The following TNFSF4 variants were observed in gnomAD, a reference collection of about 807,000 sequenced individuals.
TNFSF4 encodes tumor necrosis factor ligand superfamily member 4.
TNFSF4 carries 4 observed loss-of-function variants against 7.3 expected under a neutral mutation model. The ratio of observed to expected loss-of-function variants is 0.55; its 90% CI spans 0.27 to 1.25. The LOEUF (loss-of-function observed/expected upper bound fraction) is 1.25. Ranked by LOEUF, TNFSF4 falls within the 50% of genes most tolerant of loss-of-function variation. The pLI, the probability that TNFSF4 is intolerant of heterozygous loss-of-function variation, is 0.12. For synonymous variants in TNFSF4, 76 were observed against 83.7 expected (o/e 0.91, Z 0.50); for missense variants, 181 against 208.8 (o/e 0.87, Z 0.82).
At chr1:173,263,861 G>A in the TNFSF4 span, among the ~76,000 whole-genome samples, 3 of 152,192 alleles carry the variant, frequency 2.0e-5, no homozygotes, top group Non-Finnish European at 2.9e-5. Flanking sequence ...AAAAGGCTGT[G>A]AGCAGCCACT....
At chr1:173,314,319 T>C in the TNFSF4 span, among the ~76,000 whole-genome samples, 4 of 152,144 alleles carry the variant, frequency 2.6e-5, no homozygotes, top group Non-Finnish European at 5.9e-5. Context: ...AATTTACTAC[T>C]TATGATTTCT....
the TNFSF4 span, among the ~76,000 whole-genome samples, chr1:173,277,152 A>C: frequency 6.6e-6 from 1 of 152,154 alleles, no homozygotes; most frequent in Non-Finnish European, 1.5e-5. Context: ...ACGTGGTTTC[A>C]TGGTATTCAC....
the TNFSF4 span, among the ~76,000 whole-genome samples, chr1:173,342,407 T>C: frequency 5.3e-5 from 8 of 152,134 alleles, no homozygotes; most frequent in Non-Finnish European, 1.2e-4. Flanking sequence ...GGATTCTCCA[T>C]AAGCAAATCA....
chr1:173,340,196 G>A, the TNFSF4 span, among the ~76,000 whole-genome samples: 1 of 152,040 alleles, frequency 6.6e-6, no homozygotes, highest in East Asian at 1.9e-4. Context: ...CAGGTCTCGA[G>A]CCTAGTATCC....
the TNFSF4 span, among the ~76,000 whole-genome samples, chr1:173,238,451 C>T: frequency 3.3e-5 from 5 of 152,060 alleles, no homozygotes; most frequent in South Asian, 4.1e-4. Context: ...ACAAAAGAAA[C>T]TGTCAGAGTA....
At chr1:173,222,074 C>G in the TNFSF4 span, among the ~76,000 whole-genome samples, 14 of 152,176 alleles carry the variant, frequency 9.2e-5, no homozygotes, top group Non-Finnish European at 1.3e-4. Flanking sequence ...GCTACAGTAG[C>G]ATTATAATCC....
the TNFSF4 span, among the ~76,000 whole-genome samples, chr1:173,395,376 TAATATA>T: frequency 5.0e-5 from 2 of 40,108 alleles, no homozygotes; most frequent in Non-Finnish European, 8.8e-5. Context: ...ACTGTGTATA[TAATATA>T]TATATATATA....
the TNFSF4 span, among the ~76,000 whole-genome samples, chr1:173,448,486 G>T: frequency 1.3e-5 from 2 of 152,180 alleles, no homozygotes; most frequent in African/African-American, 4.8e-5. Context: ...AACCACCTGG[G>T]TGCAGGTGGG....
At chr1:173,377,608 A>G in the TNFSF4 span, among the ~76,000 whole-genome samples, 1 of 152,292 alleles carries the variant, frequency 6.6e-6, no homozygotes, top group East Asian at 1.9e-4. Flanking sequence ...CTCTGAGGAT[A>G]GTCCCACTTC....
the TNFSF4 span, among the ~76,000 whole-genome samples, chr1:173,442,546 T>C: frequency 1.2e-5 from 1 of 80,076 alleles, no homozygotes; most frequent in Non-Finnish European, 2.6e-5. Context: ...TTCGTTTTTG[T>C]TTTTGTTTTT....
chr1:173,399,314 T>A, the TNFSF4 span, among the ~76,000 whole-genome samples: 5 of 152,174 alleles, frequency 3.3e-5, no homozygotes, highest in Non-Finnish European at 7.3e-5. Context: ...TTACAGATGA[T>A]TCTGCATAAT....
At chr1:173,423,458 C>G in the TNFSF4 span, among the ~76,000 whole-genome samples, 2 of 152,268 alleles carry the variant, frequency 1.3e-5, no homozygotes, top group East Asian at 1.9e-4. Flanking sequence ...CTTTCATATA[C>G]CAAGTATGCA....
At chr1:173,223,945 G>A in the TNFSF4 span, among the ~76,000 whole-genome samples, 1 of 152,166 alleles carries the variant, frequency 6.6e-6, no homozygotes, top group Non-Finnish European at 1.5e-5. Context: ...CACCCGGGGG[G>A]TTGCCTAGGG....
the TNFSF4 span, among the ~76,000 whole-genome samples, chr1:173,174,745 G>A: frequency 2.0e-5 from 3 of 152,090 alleles, no homozygotes; most frequent in Admixed American, 2.0e-4. Context: ...ATTTGGGTGG[G>A]GACACAGAGC....
the TNFSF4 span, among the ~76,000 whole-genome samples, chr1:173,240,954 A>G: frequency 6.6e-6 from 1 of 152,194 alleles, no homozygotes; most frequent in East Asian, 1.9e-4. Context: ...TTTACTAACC[A>G]TCAGGATTTC....
the TNFSF4 span, among the ~76,000 whole-genome samples, chr1:173,251,970 T>C: frequency 6.6e-6 from 1 of 152,184 alleles, no homozygotes; most frequent in African/African-American, 2.4e-5. Flanking sequence ...AGAATTATGA[T>C]TGGAAAATAA....
At chr1:173,178,586 T>A in the TNFSF4 span, among the ~76,000 whole-genome samples, 2 of 152,040 alleles carry the variant, frequency 1.3e-5, no homozygotes, top group South Asian at 2.1e-4. Context: ...AATAAAAAAA[T>A]TTAAAAATTA....
the TNFSF4 span, among the ~76,000 whole-genome samples, chr1:173,445,883 A>G: frequency 6.6e-6 from 1 of 152,224 alleles, no homozygotes; most frequent in Non-Finnish European, 1.5e-5. Context: ...GCTGCCAAGT[A>G]GAGGTTCCGA....
At chr1:173,393,892 C>T in the TNFSF4 span, among the ~76,000 whole-genome samples, 3 of 152,242 alleles carry the variant, frequency 2.0e-5, no homozygotes, top group Non-Finnish European at 2.9e-5. Flanking sequence ...GCATAACTTG[C>T]CATGATTATT....
Sources: gnomAD v4.1 joint callset for allele counts (sites outside exome capture counted in the v4.1 genomes callset) on GRCh38, gnomAD v4.1.1 for gene constraint, MANE v1.5 for transcripts, NCBI Gene and HGNC (gene_info 2026-07-23, HGNC 2026-07-21) for gene names.